The following PKIG variants were observed in gnomAD, a reference collection of about 807,000 sequenced individuals.
PKIG encodes the protein protein kinase (cAMP-dependent, catalytic) inhibitor gamma.
In PKIG, 1 loss-of-function variant was observed where a neutral mutation model predicts 6.8. That is an observed-to-expected ratio of 0.15 (90% CI 0.05 to 0.69). The LOEUF (loss-of-function observed/expected upper bound fraction) is 0.69. Among genes scored for constraint, PKIG ranks in the 30% least tolerant of loss-of-function variants. PKIG has a pLI of 0.82. For synonymous variants in PKIG, 39 were observed against 43.0 expected (o/e 0.91, Z 0.36); for missense variants, 77 against 104.0 (o/e 0.74, Z 1.13).
At chr20:44,556,358 TTTTG>T (rs769506935) in intron 1 of PKIG, among the ~76,000 whole-genome samples, 22 of 152,202 alleles carry the variant, frequency 1.4e-4, no homozygotes, top group African/African-American at 2.4e-4. Flanking sequence ...GTAGTAAGAT[TTTTG>T]TTTGTTTGTT....
chr20:44,554,996 G>T (rs559793668), intron 1 of PKIG, among the ~76,000 whole-genome samples: 1 of 152,018 alleles, frequency 6.6e-6, no homozygotes, highest in Admixed American at 6.6e-5. Flanking sequence ...TTACAGATTT[G>T]TTGAAGCTTA....
intron 1 of PKIG, among the ~76,000 whole-genome samples, chr20:44,541,403 C>T (rs1202594661): frequency 1.3e-5 from 2 of 152,108 alleles, no homozygotes; most frequent in Non-Finnish European, 2.9e-5. Context: ...ATCCTCTCAC[C>T]TCAGCCTCTT....
intron 2 of PKIG, among the ~76,000 whole-genome samples, chr20:44,610,686 C>T (rs1246728864): frequency 6.6e-6 from 1 of 152,156 alleles, no homozygotes; most frequent in Non-Finnish European, 1.5e-5. Context: ...CCCTTAATCA[C>T]AAAGAACCAC....
At chr20:44,571,345 G>T (rs1295035107) in intron 1 of PKIG, among the ~76,000 whole-genome samples, 1 of 151,412 alleles carries the variant, frequency 6.6e-6, no homozygotes, top group Non-Finnish European at 1.5e-5. Context: ...TTTTCCTAAT[G>T]TAAAAAAAAA....
chr20:44,578,850 G>T (rs924839996), upstream of PKIG, among the ~76,000 whole-genome samples: 1 of 152,106 alleles, frequency 6.6e-6, no homozygotes, highest in East Asian at 1.9e-4. Context: ...AGATCCTTAT[G>T]GGGTTAAATG....
At chr20:44,582,381 G>C (rs982265031), upstream of PKIG, among the ~76,000 whole-genome samples, 23 of 152,268 alleles carry the variant, frequency 1.5e-4, no homozygotes, top group African/African-American at 5.5e-4. Context: ...TTAGGCAAGC[G>C]TGGTGGCCTG....
chr20:44,574,878 A>T (rs1316801921), intron 1 of PKIG, among the ~76,000 whole-genome samples: 1 of 152,190 alleles, frequency 6.6e-6, no homozygotes, highest in East Asian at 1.9e-4. Context: ...CCTAGCATGT[A>T]CTTTTAAGAG....
chr20:44,616,531 C>T (rs1387540860), intron 3 of PKIG, among the ~76,000 whole-genome samples: 1 of 152,238 alleles, frequency 6.6e-6, no homozygotes, highest in Non-Finnish European at 1.5e-5. Context: ...GTTGTAGCTG[C>T]TGGCCCATGT....
Position 44,614,829 on chromosome 20 carries a change from C to A in PKIG, c.151+122C>A. ...GAGAAGAAACCACATTTAAGTCAGG[C>A]CTGCCCCATGGTCAGTGGCAGAGTC... is the stretch of plus-strand genomic sequence containing the variant. On this transcript the variant is annotated intron_variant, in intron 3 of 3. Coordinates refer to ENST00000372886, the MANE Select transcript of PKIG (RefSeq NM_001281445.2). This position sits in a 1 kb window ranked among gnomAD's most constrained non-coding sequence, Gnocchi z 4.6. The A allele has an allele frequency of 2.0e-6, 2 of 999,242 alleles. No homozygotes were observed. The highest frequency in any genetic ancestry group is 2.9e-6 in the Non-Finnish European group (2 of 687,422). The allele number at this position is 999,242 out of a possible 1,614,324, so 61.9% of individuals were successfully genotyped here. A position where few individuals can be genotyped will look rare whatever the true frequency, so the allele number is the denominator to read the frequency against.
intron 2 of PKIG, among the ~76,000 whole-genome samples, chr20:44,591,734 T>A (rs1290116381): frequency 1.3e-5 from 2 of 152,234 alleles, no homozygotes; most frequent in Admixed American, 6.5e-5. Context: ...ATTACTCTTC[T>A]TTTCTCTCAT....
chr20:44,576,403 G>C (rs1384276980), intron 1 of PKIG, among the ~76,000 whole-genome samples: 1 of 152,118 alleles, frequency 6.6e-6, no homozygotes, highest in Non-Finnish European at 1.5e-5. Flanking sequence ...CAGTACAGCA[G>C]GGGGAGCTAA....
chr20:44,593,121 C>T (rs1028438016), intron 2 of PKIG, among the ~76,000 whole-genome samples: 1 of 151,414 alleles, frequency 6.6e-6, no homozygotes, highest in Non-Finnish European at 1.5e-5. Flanking sequence ...GAGTTCGAGA[C>T]CAACCTGGGC....
At chr20:44,586,435 A>C (rs762908995) in intron 1 of PKIG, among the ~76,000 whole-genome samples, 1 of 152,206 alleles carries the variant, frequency 6.6e-6, no homozygotes, top group East Asian at 1.9e-4. Context: ...TGGCTCTTCA[A>C]ACCAAGCCTC....
intron 2 of PKIG, among the ~76,000 whole-genome samples, chr20:44,606,449 G>A (rs1228806339): frequency 6.6e-6 from 1 of 152,198 alleles, no homozygotes; most frequent in African/African-American, 2.4e-5. Context: ...TTAAGAGGTA[G>A]GGCCTTTAAG....
intron 2 of PKIG, among the ~76,000 whole-genome samples, chr20:44,611,397 CA>C (rs2065217688): frequency 1.3e-5 from 2 of 151,962 alleles, no homozygotes; most frequent in South Asian, 4.2e-4. Context: ...TACAATAGAA[CA>C]GGAACTTACT....
chr20:44,611,151 T>C (rs894897578), intron 2 of PKIG, among the ~76,000 whole-genome samples: 2 of 148,446 alleles, frequency 1.3e-5, no homozygotes, highest in Non-Finnish European at 3.0e-5. Context: ...GCCTCATGGG[T>C]TCAAGAGATT....
chr20:44,554,076 A>C (rs3092699), intron 1 of PKIG, among the ~76,000 whole-genome samples: 1 of 147,706 alleles, frequency 6.8e-6, no homozygotes, highest in Non-Finnish European at 1.5e-5. Context: ...TTAAAAAAAA[A>C]TTTTTTTTTT....
intron 1 of PKIG, among the ~76,000 whole-genome samples, chr20:44,577,560 A>G (rs1299592355): frequency 1.3e-5 from 2 of 152,214 alleles, no homozygotes; most frequent in Non-Finnish European, 2.9e-5. Context: ...TTTTTACAAT[A>G]AGCAATTATG....
chr20:44,610,502 A>T (rs140884301), intron 2 of PKIG, among the ~76,000 whole-genome samples: 5,321 of 133,000 alleles, frequency 0.04, 225 homozygotes, highest in African/African-American at 0.12. Flanking sequence ...TCTCTCTCTC[A>T]CACACACACA....
Sources: allele counts gnomAD v4.1 joint callset (sites outside exome capture counted in the v4.1 genomes callset), GRCh38; gene constraint gnomAD v4.1.1; non-coding constraint Gnocchi (gnomAD v3.1); transcripts MANE v1.5; gene names NCBI Gene and HGNC (gene_info 2026-07-23, HGNC 2026-07-21).